The following FAM153A variants were observed in gnomAD, a reference collection of about 807,000 sequenced individuals.
FAM153A encodes the protein family with sequence similarity 153 member A, also known as protein FAM153A.
FAM153A carries 12 observed loss-of-function variants against 48.1 expected under a neutral mutation model. The observed-to-expected ratio is 0.25, with a 90% CI of 0.16 to 0.40. The LOEUF is 0.40. FAM153A is among the 10% of genes least tolerant of loss of function. The probability of loss-of-function intolerance (pLI) is 1.00; values close to 1 mark genes in which losing one functional copy is unlikely to be tolerated. For synonymous variants in FAM153A, 36 were observed against 118.2 expected, an observed-to-expected ratio of 0.30 and a Z score of 4.51; for missense variants, 111 against 345.8, an observed-to-expected ratio of 0.32 and a Z score of 5.38.
At chr5:177,710,354 C>T (rs750604893), downstream of FAM153A, among the ~76,000 whole-genome samples, 4 of 150,140 alleles carry the variant, frequency 2.7e-5, no homozygotes, top group Non-Finnish European at 4.4e-5. Flanking sequence ...TCAGGTGATT[C>T]TCCTATCTTG....
At chr5:177,699,234 AAAG>A in the FAM153A span, among the ~76,000 whole-genome samples, 3 of 151,820 alleles carry the variant, frequency 2.0e-5, no homozygotes, top group East Asian at 5.8e-4. Flanking sequence ...CCTATATTGA[AAAG>A]AAGAAAGATC....
chr5:177,753,820 T>C (rs1767357724), upstream of FAM153A, among the ~76,000 whole-genome samples: 1 of 151,716 alleles, frequency 6.6e-6, no homozygotes. Flanking sequence ...ATCAAATGGG[T>C]CATTAATGAG....
rs1439157469 is a variant in FAM153A, at chr5:177,772,215, C to A, written c.-57+8234G>T. On this transcript the variant is annotated intron_variant, in intron 1 of 8. Coordinates refer to the FAM153A transcript ENST00000393518. ...TTGGAGGTTCTTGTATTTCTATACT[C>A]AACTGATTAAAGCCATAAAAGAAAT... Among the ~76,000 whole-genome samples the A allele has an allele frequency of 2.1e-5, 2 of 97,560 alleles. 1 individual carries two copies. Among genetic ancestry groups the A allele is most frequent in the African/African-American group, 8.1e-5 (2 of 24,586 alleles). The allele number at this position is 97,560 out of a possible 152,430, so 64.0% of individuals were successfully genotyped here. A position where few individuals can be genotyped will look rare whatever the true frequency, so the allele number is the denominator to read the frequency against.
downstream of FAM153A, among the ~76,000 whole-genome samples, chr5:177,719,486 G>A (rs1163750593): frequency 2.0e-5 from 3 of 151,104 alleles, no homozygotes; most frequent in Non-Finnish European, 2.9e-5. Flanking sequence ...CACTGCAGAA[G>A]GCTTCAATGT....
At chr5:177,759,474 C>G (rs1290925501) in intron 1 of FAM153A, among the ~76,000 whole-genome samples, 1 of 151,638 alleles carries the variant, frequency 6.6e-6, no homozygotes, top group African/African-American at 2.4e-5. Flanking sequence ...GGGTATATAC[C>G]CAGAGGATTA....
intron 13 of FAM153A, 80 bp downstream of exon 15, chr5:177,734,783 T>G: frequency 3.7e-6 from 6 of 1,610,622 alleles, no homozygotes; most frequent in Non-Finnish European, 5.1e-6. Context: ...ATCTTCAGAT[T>G]CTCATATCTT....
chr5:177,713,237 GT>G (rs1212652534), intron 26 of FAM153A: 1 of 148,962 alleles, frequency 6.7e-6, no homozygotes, highest in Non-Finnish European at 1.5e-5. Flanking sequence ...TTTCTTACGT[GT>G]TTTCTTTTTC....
At chr5:177,700,720 T>G in the FAM153A span, among the ~76,000 whole-genome samples, 1 of 151,824 alleles carries the variant, frequency 6.6e-6, no homozygotes, top group Non-Finnish European at 1.5e-5. Flanking sequence ...GAGAATCACT[T>G]GAACCCAGGA....
chr5:177,710,499 G>T (rs1213784468), downstream of FAM153A, among the ~76,000 whole-genome samples: 1 of 151,608 alleles, frequency 6.6e-6, no homozygotes, highest in Non-Finnish European at 1.5e-5. Flanking sequence ...GCAGTGTTTT[G>T]TTCTCTGGGC....
the FAM153A span, among the ~76,000 whole-genome samples, chr5:177,701,076 A>T: frequency 1.3e-5 from 2 of 151,408 alleles, no homozygotes; most frequent in African/African-American, 2.4e-5. Flanking sequence ...TTCCCTTGAG[A>T]TCTGTTTGTT....
chr5:177,703,549 G>A (rs1757633484), downstream of FAM153A, among the ~76,000 whole-genome samples: 1 of 149,314 alleles, frequency 6.7e-6, no homozygotes, highest in South Asian at 2.2e-4. Context: ...CATGAAATGT[G>A]GAAAGGACCT....
chr5:177,705,180 T>C (rs1316170706), downstream of FAM153A, among the ~76,000 whole-genome samples: 1 of 150,004 alleles, frequency 6.7e-6, no homozygotes, highest in Non-Finnish European at 1.5e-5. Flanking sequence ...GGCATGTGCT[T>C]ATAATCTCAT....
the FAM153A span, among the ~76,000 whole-genome samples, chr5:177,700,260 G>T: frequency 5.3e-5 from 8 of 151,894 alleles, no homozygotes; most frequent in African/African-American, 1.9e-4. Context: ...AAGATTGAGA[G>T]CTTTCTCCCT....
chr5:177,713,257 C>CTT (rs201370334), intron 26 of FAM153A: 35,914 of 138,698 alleles, frequency 0.26, 5,161 homozygotes, highest in South Asian at 0.38. Context: ...TCTTTCTTTT[C>CTT]TTTTTTTTTT....
At chr5:177,781,885 A>ATT (rs1278832484), upstream of FAM153A, among the ~76,000 whole-genome samples, 459 of 67,276 alleles carry the variant, frequency 6.8e-3, 81 homozygotes, top group Non-Finnish European at 0.011. Context: ...CGCCCGGCTA[A>ATT]TTTTTTTTTT....
chr5:177,711,250 T>G (rs181943664), exon 27 of FAM153A: 32 of 151,996 alleles, frequency 2.1e-4, no homozygotes, highest in African/African-American at 7.5e-4. Flanking sequence ...AAAATTTTAA[T>G]TTTTTAAACG....
downstream of FAM153A, among the ~76,000 whole-genome samples, chr5:177,705,615 A>ACT (rs1757804786): frequency 6.9e-6 from 1 of 145,796 alleles, no homozygotes; most frequent in Non-Finnish European, 1.5e-5. Flanking sequence ...GAAGTGTAAA[A>ACT]CTTGTGCACT....
At chr5:177,739,179 G>A in intron 9 of FAM153A, 42 bp from the exon 12 acceptor site, 2 of 1,609,966 alleles carry the variant, frequency 1.2e-6, no homozygotes, top group Non-Finnish European at 1.7e-6. Context: ...GTAAGATCAT[G>A]CTGTCTCTGT....
downstream of FAM153A, chr5:177,721,993 A>G (rs1304146148): frequency 6.6e-6 from 1 of 151,792 alleles, no homozygotes; most frequent in Non-Finnish European, 1.5e-5. Context: ...ACAAAAACTT[A>G]AAACCGAGTA....
Sources: gnomAD v4.1 joint callset for allele counts (sites outside exome capture counted in the v4.1 genomes callset) on GRCh38, gnomAD v4.1.1 for gene constraint, MANE v1.5 for transcripts, NCBI Gene and HGNC (gene_info 2026-07-23, HGNC 2026-07-21) for gene names.